USP36: variants seen among roughly 807,000 people sequenced by gnomAD.
USP36 encodes ubiquitin carboxyl-terminal hydrolase 36.
USP36 carries 59 observed loss-of-function variants against 111.5 expected under a neutral mutation model. That is an observed-to-expected ratio of 0.53 (90% CI 0.43 to 0.66). The LOEUF (loss-of-function observed/expected upper bound fraction) is 0.66. USP36 is among the 30% of genes least tolerant of loss of function. The pLI is 0.00. For synonymous variants in USP36, 628 were observed against 581.0 expected, an observed-to-expected ratio of 1.08 and a Z score of -1.16; for missense variants, 1,488 against 1,468.0, an observed-to-expected ratio of 1.01 and a Z score of -0.22.
intron 18 of USP36, 118 bp from the exon 19 acceptor site, chr17:78,799,141 C>T (rs908467160): frequency 1.0e-6 from 1 of 996,044 alleles, no homozygotes; most frequent in Non-Finnish European, 1.5e-6. Context: ...TTTTGAGTGC[C>T]ACCTTGTGGT....
chr17:78,799,837 C>T, intron 17 of USP36, 69 bp from the exon 18 acceptor site: 1 of 965,412 alleles, frequency 1.0e-6, no homozygotes, highest in African/African-American at 1.7e-5. Context: ...CAATCGCACA[C>T]CTTAAATTAT....
chr17:78,820,573 G>T (rs2145386369), intron 8 of USP36, among the ~76,000 whole-genome samples: 1 of 152,300 alleles, frequency 6.6e-6, no homozygotes, highest in South Asian at 2.1e-4. Context: ...CTGGAGCTTG[G>T]GTTGGCCCAG....
chr17:78,807,028 G>A lies in USP36; in HGVS notation c.2016C>T (p.Asn672=), dbSNP rs752888548. 6 of 1,614,096 alleles carry A rather than the reference G, an allele frequency of 3.7e-6. No homozygotes were observed. The highest frequency in any genetic ancestry group is 1.3e-5 in the African/African-American group (1 of 74,924). The change falls in exon 14 of 21, where the codon AAC becomes AAT. Residue 672 remains asparagine (N), a synonymous_variant. Transcript: ENST00000449938. ...TVKLKSPVLS[N]TTTEPASTMS... The stretch of plus-strand genomic sequence containing the variant: ...TGGTGCTTGCAGGCTCAGTGGTGGT[G>A]TTGCTCAGGACAGGGGACTTCAGCT...
intron 10 of USP36, among the ~76,000 whole-genome samples, chr17:78,818,050 ACT>A (rs764865721): frequency 6.6e-6 from 1 of 152,212 alleles, no homozygotes; most frequent in Non-Finnish European, 1.5e-5. Context: ...ATGCCACTGC[ACT>A]CCAGCCCAGG....
intron 3 of USP36, among the ~76,000 whole-genome samples, chr17:78,789,266 A>G (rs1426117860): frequency 6.7e-6 from 1 of 150,268 alleles, no homozygotes; most frequent in East Asian, 2.0e-4. Flanking sequence ...TTGCCCAATC[A>G]CTGTGTGAGT....
At chr17:78,789,291 G>C (rs2093562826) in intron 3 of USP36, among the ~76,000 whole-genome samples, 1 of 151,438 alleles carries the variant, frequency 6.6e-6, no homozygotes, top group African/African-American at 2.4e-5. Context: ...TGTACGCCCT[G>C]AGACCAAGCG....
chr17:78,812,456 G>A (rs1323772207), intron 13 of USP36, among the ~76,000 whole-genome samples: 7 of 151,996 alleles, frequency 4.6e-5, no homozygotes, highest in African/African-American at 1.5e-4. Flanking sequence ...TTGGGAGGCC[G>A]AGGCGGGCAG....
chr17:78,792,387 C>A (rs1459370023), downstream of USP36, among the ~76,000 whole-genome samples: 1 of 152,060 alleles, frequency 6.6e-6, no homozygotes, highest in Non-Finnish European at 1.5e-5. Context: ...GGCACCTCGT[C>A]CAGCATCTCC....
intron 10 of USP36, among the ~76,000 whole-genome samples, chr17:78,818,300 C>A (rs568588280): frequency 6.6e-6 from 1 of 152,086 alleles, no homozygotes; most frequent in Non-Finnish European, 1.5e-5. Context: ...CCAGAAGCTG[C>A]GGTAAATCCA....
downstream of USP36, among the ~76,000 whole-genome samples, chr17:78,791,123 G>GGCC (rs1200843106): frequency 6.0e-5 from 9 of 150,082 alleles, no homozygotes; most frequent in African/African-American, 2.0e-4. Context: ...TTCCCAATCT[G>GGCC]GCCTTCTTTT....
intron 13 of USP36, among the ~76,000 whole-genome samples, chr17:78,808,294 G>A (rs949806564): frequency 4.6e-5 from 7 of 152,276 alleles, no homozygotes; most frequent in African/African-American, 1.7e-4. Flanking sequence ...CCAGGCTGGA[G>A]TGCAGTGGCA....
At chr17:78,832,518 T>C (rs1303036276) in intron 4 of USP36, among the ~76,000 whole-genome samples, 1 of 152,252 alleles carries the variant, frequency 6.6e-6, no homozygotes, top group African/African-American at 2.4e-5. Context: ...GGGATGGCCA[T>C]GGCTGCCTTA....
At chr17:78,800,482 T>C (rs1207268825) in intron 17 of USP36, among the ~76,000 whole-genome samples, 1 of 152,218 alleles carries the variant, frequency 6.6e-6, no homozygotes, top group Non-Finnish European at 1.5e-5. Context: ...GCTAGCCACA[T>C]AGCCCCTGGA....
chr17:78,789,197 CAAAAAAAAA>C (rs869247026), intron 3 of USP36, among the ~76,000 whole-genome samples: 1 of 65,904 alleles, frequency 1.5e-5, no homozygotes, highest in Admixed American at 2.0e-4. Context: ...AACTTGGTCC[CAAAAAAAAA>C]AAAAAAAAAA....
At chr17:78,835,258 A>G in intron 4 of USP36, 22 bp downstream of exon 4, 1 of 1,611,022 alleles carries the variant, frequency 6.2e-7, no homozygotes, top group African/African-American at 1.3e-5. Context: ...CAGCCACCCC[A>G]CTGCTGCAAA....
chr17:78,835,546 C>T (rs1008406820), intron 3 of USP36, 45 bp from the exon 4 acceptor site: 1 of 1,544,828 alleles, frequency 6.5e-7, no homozygotes, highest in Non-Finnish European at 8.8e-7. Flanking sequence ...AGACGTAAGT[C>T]CACACACAGG....
chr17:78,835,200 G>T, intron 4 of USP36, 80 bp downstream of exon 4: 8 of 1,436,280 alleles, frequency 5.6e-6, no homozygotes, highest in Non-Finnish European at 7.7e-6. Flanking sequence ...CCCAGACTGA[G>T]AGCAGCAGTG....
rs1169380652 is a variant in USP36, at chr17:78,803,005, C to T, written c.2810+380G>A. 6.6e-6 allele frequency among the ~76,000 whole-genome samples: 1 copy of T among 152,052 alleles called. No individual in the cohort carries two copies. Among genetic ancestry groups the T allele is most frequent in the Non-Finnish European group, 1.5e-5 (1 of 68,014 alleles). ...CCAGGCTGTAGTGCAGTGACGCGAT[C>T]TCAGCTCACTGCAACCTCCACCTCC... On this transcript the variant is annotated intron_variant, in intron 16 of 20. Coordinates refer to ENST00000449938, the MANE Select transcript of USP36 (RefSeq NM_001385174.1). The surrounding 1 kb of genome is among the most constrained non-coding windows in gnomAD (Gnocchi z 4.6).
chr17:78,793,634 T>G (rs12936955), downstream of USP36, among the ~76,000 whole-genome samples: 3 of 152,100 alleles, frequency 2.0e-5, no homozygotes, highest in Admixed American at 2.0e-4. Flanking sequence ...CAGTCCTCCT[T>G]TACCACCACG....
Sources: allele counts gnomAD v4.1 joint callset (sites outside exome capture counted in the v4.1 genomes callset), GRCh38; gene constraint gnomAD v4.1.1; non-coding constraint Gnocchi (gnomAD v3.1); transcripts MANE v1.5; gene names NCBI Gene and HGNC (gene_info 2026-07-23, HGNC 2026-07-21).